The following TAFA2 variants were observed in gnomAD, a reference collection of about 807,000 sequenced individuals.
The protein encoded by TAFA2 is TAFA chemokine like family member 2.
In TAFA2, 7 loss-of-function variants were observed where a neutral mutation model predicts 18.8. The observed-to-expected ratio is 0.37, with a 90% CI of 0.21 to 0.70. TAFA2 has a LOEUF of 0.70. Among genes scored for constraint, TAFA2 ranks in the 30% least tolerant of loss-of-function variants. The pLI is 0.53. For missense variants in TAFA2, 122 were observed against 158.1 expected (o/e 0.77, Z 1.23); for synonymous variants, 60 against 54.2 (o/e 1.11, Z -0.47).
chr12:61,736,037 G>T (rs926099740), intron 4 of TAFA2, among the ~76,000 whole-genome samples: 1 of 151,906 alleles, frequency 6.6e-6, no homozygotes, highest in Non-Finnish European at 1.5e-5. Flanking sequence ...TCCTCCTGGG[G>T]TGTAGCACTT....
chr12:61,831,639 T>C (rs1384905447), intron 2 of TAFA2, among the ~76,000 whole-genome samples: 1 of 152,126 alleles, frequency 6.6e-6, no homozygotes, highest in Non-Finnish European at 1.5e-5. Flanking sequence ...CCAAATTGTG[T>C]GCCTTGTGCA....
chr12:61,789,507 C>G (rs1870883054), intron 2 of TAFA2, among the ~76,000 whole-genome samples: 1 of 151,704 alleles, frequency 6.6e-6, no homozygotes, highest in South Asian at 2.1e-4. Context: ...CACACAGACA[C>G]AGGGAGGGGA....
chr12:61,965,459 A>G (rs961958401), intron 1 of TAFA2, among the ~76,000 whole-genome samples: 8 of 151,898 alleles, frequency 5.3e-5, no homozygotes, highest in Non-Finnish European at 1.2e-4. Context: ...AGCACGGAAT[A>G]TTTGGGGAAA....
At chr12:61,922,671 C>A (rs1325696552) in intron 1 of TAFA2, among the ~76,000 whole-genome samples, 2 of 152,142 alleles carry the variant, frequency 1.3e-5, no homozygotes, top group African/African-American at 4.8e-5. Context: ...ACAGGGCGAC[C>A]ATTTGGGCAG....
intron 1 of TAFA2, among the ~76,000 whole-genome samples, chr12:62,219,388 G>A (rs959564141): frequency 1.3e-5 from 2 of 152,142 alleles, no homozygotes; most frequent in African/African-American, 4.8e-5. Flanking sequence ...AGCATTGGCA[G>A]ATACAGGAGA....
intron 1 of TAFA2, among the ~76,000 whole-genome samples, chr12:62,055,484 A>G (rs10877784): frequency 0.43 from 65,345 of 151,994 alleles, 14,676 homozygotes; most frequent in Middle Eastern, 0.58. Flanking sequence ...CAGCAGCAGA[A>G]TTAAACTTAT....
At chr12:62,048,888 G>T (rs956323466) in intron 1 of TAFA2, among the ~76,000 whole-genome samples, 2 of 152,104 alleles carry the variant, frequency 1.3e-5, no homozygotes, top group Admixed American at 1.3e-4. Flanking sequence ...ATAGACCAAA[G>T]GAGAGGAATA....
At chr12:61,930,875 T>A (rs1416769386) in intron 1 of TAFA2, among the ~76,000 whole-genome samples, 2 of 152,218 alleles carry the variant, frequency 1.3e-5, no homozygotes, top group African/African-American at 4.8e-5. Flanking sequence ...GATTAGCACT[T>A]CCTTTGATAG....
chr12:61,834,296 CT>C (rs1295915037), intron 2 of TAFA2, among the ~76,000 whole-genome samples: 2 of 152,056 alleles, frequency 1.3e-5, no homozygotes, highest in Non-Finnish European at 2.9e-5. Flanking sequence ...AAATAAAAAT[CT>C]GGCCGCATAA....
At position 61,945,692 on chromosome 12, in the gene TAFA2, A is replaced by G. The variant is rs922466855; in HGVS notation, c.-1-78266T>C. ...CAAACAGAGAGCCAAATCATGAGTGAACTCCCATTCACAATTGCTTCAAAC... is the reference window on the plus strand; with the variant it reads ...CAAACAGAGAGCCAAATCATGAGTGGACTCCCATTCACAATTGCTTCAAAC... On this transcript the variant is annotated intron_variant, in intron 1 of 4. Transcript: ENST00000416284. 6.1e-3 allele frequency among the ~76,000 whole-genome samples: 831 copies of G among 136,898 alleles called. 10 individuals are homozygous for G. The highest frequency in any genetic ancestry group is 0.022 in the African/African-American group (783 of 35,082). 89.8% of individuals were successfully genotyped at this position (136,898 alleles called of 152,430 possible).
intron 1 of TAFA2, among the ~76,000 whole-genome samples, chr12:62,007,199 C>T (rs1880582143): frequency 6.6e-6 from 1 of 152,112 alleles, no homozygotes. Context: ...ATTTTCTGAC[C>T]CCTATGATTG....
At chr12:62,028,318 G>A (rs1390760518) in intron 1 of TAFA2, among the ~76,000 whole-genome samples, 3 of 152,194 alleles carry the variant, frequency 2.0e-5, no homozygotes, top group Middle Eastern at 3.4e-3. Context: ...AGCTAGACCC[G>A]TGACAGAAAG....
chr12:62,034,614 G>C (rs1381851207), intron 1 of TAFA2, among the ~76,000 whole-genome samples: 1 of 152,112 alleles, frequency 6.6e-6, no homozygotes, highest in Admixed American at 6.6e-5. Context: ...TAGACAGAGA[G>C]CCAAGCAGGA....
chr12:62,222,127 G>A (rs73133484), intron 1 of TAFA2, among the ~76,000 whole-genome samples: 12,834 of 152,176 alleles, frequency 0.084, 679 homozygotes, highest in Middle Eastern at 0.18. Context: ...GAGAGACATT[G>A]CATTGTAAGA....
At chr12:61,865,808 C>T (rs1186145720) in intron 2 of TAFA2, among the ~76,000 whole-genome samples, 1 of 152,120 alleles carries the variant, frequency 6.6e-6, no homozygotes, top group Non-Finnish European at 1.5e-5. Context: ...GGCTGAAGCC[C>T]ACAATTTCTA....
chr12:61,764,888 C>A (rs1314915017), intron 2 of TAFA2, among the ~76,000 whole-genome samples: 1 of 151,984 alleles, frequency 6.6e-6, no homozygotes, highest in Non-Finnish European at 1.5e-5. Context: ...TAAAGTCAAT[C>A]CGCACCCACA....
intron 2 of TAFA2, among the ~76,000 whole-genome samples, chr12:61,817,865 C>G (rs1159532071): frequency 6.6e-6 from 1 of 151,964 alleles, no homozygotes; most frequent in Non-Finnish European, 1.5e-5. Context: ...ATTTTTTTTC[C>G]CCAAGTGCTC....
chr12:62,022,139 G>A, intron 1 of TAFA2: 2 of 440,872 alleles, frequency 4.5e-6, no homozygotes, highest in African/African-American at 2.0e-5. Flanking sequence ...CTGTGTTCTG[G>A]TGGCTAAGAT....
intron 1 of TAFA2, among the ~76,000 whole-genome samples, chr12:61,974,283 A>G (rs572132784): frequency 1.6e-3 from 243 of 151,944 alleles, no homozygotes; most frequent in African/African-American, 5.4e-3. Flanking sequence ...AAAGTTTTCC[A>G]AATACTCAAA....
Sources: gnomAD v4.1 joint callset for allele counts (sites outside exome capture counted in the v4.1 genomes callset) on GRCh38, gnomAD v4.1.1 for gene constraint, MANE v1.5 for transcripts, NCBI Gene and HGNC (gene_info 2026-07-23, HGNC 2026-07-21) for gene names.